Variants in CSGALNACT1 observed in about 807,000 individuals in gnomAD.
CSGALNACT1 encodes beta4GalNAcT-1.
Under a neutral mutation model 51.0 loss-of-function variants are expected in CSGALNACT1, and 52 were observed. That is an observed-to-expected ratio of 1.02 (90% CI 0.82 to 1.29). The LOEUF is 1.29. Among genes scored for constraint, CSGALNACT1 ranks in the 50% most tolerant of loss-of-function variants. The probability of loss-of-function intolerance (pLI) is 0.00; values close to 1 mark genes in which losing one functional copy is unlikely to be tolerated. For synonymous variants in CSGALNACT1, 341 were observed against 254.4 expected (o/e 1.34, Z -3.24); for missense variants, 935 against 679.2 (o/e 1.38, Z -4.19).
chr8:19,466,922 C>T (rs1246500109), intron 4 of CSGALNACT1, among the ~76,000 whole-genome samples: 6 of 152,108 alleles, frequency 3.9e-5, no homozygotes, highest in Non-Finnish European at 7.4e-5. Context: ...ATAGTTGCAG[C>T]GACTGGTAGA....
intron 3 of CSGALNACT1, among the ~76,000 whole-genome samples, chr8:19,586,236 G>A (rs1437627784): frequency 2.0e-5 from 3 of 151,954 alleles, no homozygotes; most frequent in African/African-American, 7.3e-5. Context: ...GGTGGTGAGT[G>A]TAATCCCAGC....
chr8:19,671,943 T>C (rs1037047405), intron 1 of CSGALNACT1, among the ~76,000 whole-genome samples: 1 of 152,194 alleles, frequency 6.6e-6, no homozygotes, highest in African/African-American at 2.4e-5. Flanking sequence ...ATATGCACCA[T>C]AATTAACTGT....
chr8:19,455,447 C>T (rs191215667), intron 5 of CSGALNACT1, among the ~76,000 whole-genome samples: 1 of 152,246 alleles, frequency 6.6e-6, no homozygotes, highest in East Asian at 1.9e-4. Context: ...TATTTTCTCC[C>T]AGTAACTTTA....
At position 19,483,072 on chromosome 8, in the gene CSGALNACT1, G is replaced by T. The variant is rs2071891045; in HGVS notation, c.634+22129C>A. On this transcript the variant is annotated intron_variant, in intron 4 of 9. Coordinates refer to ENST00000454498, the Ensembl canonical transcript of CSGALNACT1. ...TATCTGATCAATTACCAAGCCCCATGGGTTCTGATCCCTCAGGGTCTCTGG... is the reference window on the plus strand; with the variant it reads ...TATCTGATCAATTACCAAGCCCCATTGGTTCTGATCCCTCAGGGTCTCTGG... Among the ~76,000 whole-genome samples, 5 of 152,110 alleles carry T rather than the reference G, an allele frequency of 3.3e-5. No homozygotes were observed. In the South Asian group the frequency reaches 1.0e-3, roughly 32 times the overall value.
At chr8:19,638,087 T>G (rs13259875) in intron 1 of CSGALNACT1, among the ~76,000 whole-genome samples, 1 of 151,806 alleles carries the variant, frequency 6.6e-6, no homozygotes, top group South Asian at 2.1e-4. Flanking sequence ...ACCTAAACTG[T>G]TAGTCTCTTG....
chr8:19,461,782 C>T (rs1337003928), intron 4 of CSGALNACT1, among the ~76,000 whole-genome samples: 1 of 148,240 alleles, frequency 6.7e-6, no homozygotes, highest in African/African-American at 2.6e-5. Flanking sequence ...GCACAGCAGC[C>T]ACATTCACCA....
intron 3 of CSGALNACT1, among the ~76,000 whole-genome samples, chr8:19,525,287 T>C (rs757022037): frequency 2.6e-5 from 4 of 152,124 alleles, no homozygotes; most frequent in Non-Finnish European, 5.9e-5. Context: ...ACTGCCTTTA[T>C]TTTTGTTTCT....
chr8:19,615,047 G>A (rs1053472140), intron 1 of CSGALNACT1, among the ~76,000 whole-genome samples: 5 of 152,186 alleles, frequency 3.3e-5, no homozygotes, highest in Non-Finnish European at 7.3e-5. Context: ...ATTTTTCATT[G>A]TAAAAATATC....
intron 1 of CSGALNACT1, among the ~76,000 whole-genome samples, chr8:19,660,519 A>T (rs931385096): frequency 1.3e-5 from 2 of 152,174 alleles, no homozygotes; most frequent in Admixed American, 1.3e-4. Flanking sequence ...AGGAATACCA[A>T]TGCTTTGCCG....
At chr8:19,458,566 T>C (rs1379783588) in exon 5 of CSGALNACT1, 2 of 1,614,188 alleles carry the variant, frequency 1.2e-6, no homozygotes, top group African/African-American at 2.7e-5. Flanking sequence ...AGATGAGCCG[T>C]TTGAATTCGT....
At chr8:19,713,108 T>C (rs35118008) in intron 1 of CSGALNACT1, among the ~76,000 whole-genome samples, 6,016 of 152,278 alleles carry the variant, frequency 0.04, 198 homozygotes, top group Non-Finnish European at 0.057. Flanking sequence ...CCTCTGATTG[T>C]AATGGTTTTC....
At chr8:19,481,017 C>T (rs931897006) in intron 4 of CSGALNACT1, among the ~76,000 whole-genome samples, 2 of 152,120 alleles carry the variant, frequency 1.3e-5, no homozygotes, top group African/African-American at 4.8e-5. Context: ...AGGTCATCTG[C>T]CCGTCCAAGT....
chr8:19,601,920 T>G (rs1038884213), intron 1 of CSGALNACT1, 55 bp from the exon 2 acceptor site: 3 of 452,088 alleles, frequency 6.6e-6, no homozygotes, highest in African/African-American at 2.0e-5. Flanking sequence ...GTCTTAAATG[T>G]ATGTGGTATT....
intron 1 of CSGALNACT1, among the ~76,000 whole-genome samples, chr8:19,705,114 A>C (rs1412441856): frequency 6.6e-6 from 1 of 152,242 alleles, no homozygotes; most frequent in African/African-American, 2.4e-5. Context: ...TGAGGTGATA[A>C]TTAGCTTGAT....
chr8:19,513,436 C>CTCTCTCTA, intron 3 of CSGALNACT1, among the ~76,000 whole-genome samples: 91 of 81,966 alleles, frequency 1.1e-3, no homozygotes, highest in East Asian at 4.7e-3. Context: ...CTCTCTCTCT[C>CTCTCTCTA]TATATATATA....
intron 4 of CSGALNACT1, among the ~76,000 whole-genome samples, chr8:19,458,914 G>T (rs561244493): frequency 3.5e-4 from 53 of 152,148 alleles, no homozygotes; most frequent in Non-Finnish European, 6.2e-4. Flanking sequence ...GGATACAGAG[G>T]CATTTGCAAA....
chr8:19,573,868 T>C (rs1288132176), intron 3 of CSGALNACT1, among the ~76,000 whole-genome samples: 1 of 151,798 alleles, frequency 6.6e-6, no homozygotes, highest in Non-Finnish European at 1.5e-5. Flanking sequence ...GGAGTAAGAG[T>C]CCTTAAGAGG....
intron 1 of CSGALNACT1, among the ~76,000 whole-genome samples, chr8:19,664,748 T>C (rs1171682856): frequency 6.6e-6 from 1 of 152,062 alleles, no homozygotes; most frequent in Non-Finnish European, 1.5e-5. Flanking sequence ...AGCAACATAG[T>C]TGGAACTGGA....
chr8:19,627,409 T>A (rs749647368), intron 1 of CSGALNACT1, among the ~76,000 whole-genome samples: 10 of 152,130 alleles, frequency 6.6e-5, no homozygotes, highest in Non-Finnish European at 2.9e-5. Flanking sequence ...ATAAAAAGAT[T>A]GCACAAGGAA....
Sources: allele counts gnomAD v4.1 joint callset (sites outside exome capture counted in the v4.1 genomes callset), GRCh38; gene constraint gnomAD v4.1.1; transcripts MANE v1.5; gene names NCBI Gene and HGNC (gene_info 2026-07-23, HGNC 2026-07-21).